Variants in GXYLT2 observed in about 807,000 individuals in gnomAD.
The protein encoded by GXYLT2 is glucoside xylosyltransferase 2, also known as glycosyltransferase 8 domain containing 4.
GXYLT2 carries 53 observed loss-of-function variants against 45.8 expected under a neutral mutation model. The observed-to-expected ratio is 1.16, with a 90% confidence interval of 0.93 to 1.46. The LOEUF (loss-of-function observed/expected upper bound fraction) is 1.46. Ranked by LOEUF, GXYLT2 falls within the 40% of genes most tolerant of loss-of-function variation. The probability of loss-of-function intolerance (pLI) is 0.00; values close to 1 mark genes in which losing one functional copy is unlikely to be tolerated. For synonymous variants in GXYLT2, 219 were observed against 214.2 expected (o/e 1.02, Z -0.19); for missense variants, 551 against 544.4 (o/e 1.01, Z -0.12).
intron 5 of GXYLT2, among the ~76,000 whole-genome samples, chr3:72,962,687 T>C (rs891013245): frequency 2.0e-5 from 3 of 152,186 alleles, no homozygotes; most frequent in Non-Finnish European, 4.4e-5. Flanking sequence ...ACTGGTTTCA[T>C]GAAGCCTACC....
intron 3 of GXYLT2, among the ~76,000 whole-genome samples, chr3:72,934,338 A>T (rs1710137686): frequency 6.7e-6 from 1 of 149,756 alleles, no homozygotes; most frequent in Non-Finnish European, 1.5e-5. Flanking sequence ...TGCCCGCCTC[A>T]GTCTCCCAAA....
At chr3:72,898,869 C>T (rs1709345545) in intron 1 of GXYLT2, among the ~76,000 whole-genome samples, 1 of 152,088 alleles carries the variant, frequency 6.6e-6, no homozygotes, top group Non-Finnish European at 1.5e-5. Context: ...GGAGCTAGGA[C>T]TACAGGCATG....
intron 1 of GXYLT2, among the ~76,000 whole-genome samples, chr3:72,902,575 G>A (rs978562823): frequency 4.6e-5 from 7 of 152,128 alleles, no homozygotes; most frequent in East Asian, 3.9e-4. Context: ...AGTGGCTCAC[G>A]CCTGTAATCC....
At chr3:72,971,927 C>T (rs1710992406) in intron 6 of GXYLT2, among the ~76,000 whole-genome samples, 4 of 146,482 alleles carry the variant, frequency 2.7e-5, no homozygotes, top group African/African-American at 7.6e-5. Context: ...CCAGCCTGGG[C>T]GACAGAGTGA....
At chr3:72,964,328 T>C (rs187320266) in intron 5 of GXYLT2, among the ~76,000 whole-genome samples, 45 of 152,066 alleles carry the variant, frequency 3.0e-4, no homozygotes, top group African/African-American at 1.1e-3. Flanking sequence ...TTTTTTTTTC[T>C]TTTCTTTTTT....
chr3:72,943,696 AT>A (rs1209881219), intron 3 of GXYLT2, among the ~76,000 whole-genome samples: 1 of 150,626 alleles, frequency 6.6e-6, no homozygotes, highest in Non-Finnish European at 1.5e-5. Context: ...GTTCTTTATT[AT>A]GATAAATAGA....
chr3:72,955,371 C>A, intron 4 of GXYLT2, 22 bp downstream of exon 4: 2 of 1,608,890 alleles, frequency 1.2e-6, no homozygotes, highest in Non-Finnish European at 1.7e-6. Flanking sequence ...CTTTAAAATT[C>A]CTTGTTTAAA....
At chr3:72,928,922 C>G in intron 3 of GXYLT2, 1 of 708,348 alleles carries the variant, frequency 1.4e-6, no homozygotes, top group Non-Finnish European at 2.5e-6. Context: ...CGTCCCCCAT[C>G]CCGGCCGGCC....
At chr3:72,923,800 G>T (rs1709872820) in intron 3 of GXYLT2, among the ~76,000 whole-genome samples, 1 of 152,138 alleles carries the variant, frequency 6.6e-6, no homozygotes, top group African/African-American at 2.4e-5. Flanking sequence ...TGAGGCAGTG[G>T]CATATTTTTT....
rs143728726 is a variant in GXYLT2, at chr3:72,953,318, G to A, written c.601-1780G>A. The stretch of plus-strand genomic sequence containing the variant: ...TCATTATTATTATTATTTTGAGACA[G>A]AGTCTCTGTCGCACAGGCTGGAGTG... On this transcript the variant is annotated intron_variant, in intron 3 of 6. Coordinates refer to ENST00000389617, the MANE Select transcript of GXYLT2 (RefSeq NM_001080393.2). 1.3e-4 allele frequency among the ~76,000 whole-genome samples: 20 copies of A among 152,190 alleles called. No homozygotes were observed. The East Asian group carries it at 3.3e-3, about 25-fold the overall frequency.
intron 3 of GXYLT2, chr3:72,929,083 C>A: frequency 6.3e-7 from 1 of 1,590,144 alleles, no homozygotes; most frequent in Non-Finnish European, 8.5e-7. Flanking sequence ...AGAGCTACCA[C>A]CAGGACTCAG....
At position 72,955,040 on chromosome 3, in the gene GXYLT2, GT is replaced by G. The variant is rs1245476357; in HGVS notation, c.601-53del. 2.5e-6 allele frequency: 4 copies of G among 1,576,928 alleles called. No homozygotes were observed. The Admixed American group carries it at 7.1e-5, about 28-fold the overall frequency. ...AGGCTACTTCCTTTGTTTCTGACCT[GT>G]TTTTGTTTTGTTTTCTTCCCTCCTC... On this transcript the variant is annotated intron_variant, in intron 3 of 6. Transcript: ENST00000389617.
chr3:72,913,253 T>A (rs1167244904), intron 2 of GXYLT2, among the ~76,000 whole-genome samples: 1 of 151,090 alleles, frequency 6.6e-6, no homozygotes, highest in Non-Finnish European at 1.5e-5. Context: ...TTAGCCAGGA[T>A]GGTCTCGATC....
chr3:72,914,555 G>A (rs997676549), intron 2 of GXYLT2, among the ~76,000 whole-genome samples: 5 of 151,812 alleles, frequency 3.3e-5, no homozygotes, highest in South Asian at 2.1e-4. Flanking sequence ...GTGCGCGCGC[G>A]CGCTTGCGTG....
At chr3:72,953,241 C>T (rs903084409) in intron 3 of GXYLT2, among the ~76,000 whole-genome samples, 1 of 152,028 alleles carries the variant, frequency 6.6e-6, no homozygotes, top group African/African-American at 2.4e-5. Context: ...CTTCCGTGTC[C>T]TGAAATAAAC....
chr3:72,920,819 T>TATATATATATATGTA (rs1491486551), intron 2 of GXYLT2, among the ~76,000 whole-genome samples: 7 of 96,546 alleles, frequency 7.3e-5, no homozygotes, highest in African/African-American at 4.7e-4. Flanking sequence ...TATATATGTA[T>TATATATATATATGTA]TTTTTTTTTT....
rs1709099867 is a variant in GXYLT2, at chr3:72,888,134, A to G, written c.-100A>G. ...ACCCCAGTCCCCGGCGGGCGGGCGG[A>G]GGAGGCGACCGCCGCGCGCTGCTGC... is the stretch of plus-strand genomic sequence containing the variant. On this transcript the variant is annotated 5_prime_UTR_variant, in exon 1 of 7. Coordinates refer to ENST00000389617, the MANE Select transcript of GXYLT2 (RefSeq NM_001080393.2). The G allele has an allele frequency of 4.2e-6, 3 of 719,336 alleles. No individual in the cohort carries two copies. Among genetic ancestry groups the G allele is most frequent in the African/African-American group, 2.0e-5 (1 of 50,542 alleles). The allele number at this position is 719,336 out of a possible 1,614,324, so 44.6% of individuals were successfully genotyped here. A position where few individuals can be genotyped will look rare whatever the true frequency, so the allele number is the denominator to read the frequency against.
intron 3 of GXYLT2, chr3:72,929,063 C>T (rs1440489057): frequency 7.6e-6 from 12 of 1,584,756 alleles, no homozygotes; most frequent in Middle Eastern, 2.2e-4. Flanking sequence ...GTCCACCTCG[C>T]AGGTGCGCCA....
At chr3:72,967,882 C>T (rs1559753323) in intron 6 of GXYLT2, among the ~76,000 whole-genome samples, 163 bp downstream of exon 6, 2 of 152,204 alleles carry the variant, frequency 1.3e-5, no homozygotes, top group Non-Finnish European at 2.9e-5. Flanking sequence ...CTCTTGCCAC[C>T]TTGTACTATG....
Sources: allele counts gnomAD v4.1 joint callset (sites outside exome capture counted in the v4.1 genomes callset), GRCh38; gene constraint gnomAD v4.1.1; transcripts MANE v1.5; gene names NCBI Gene and HGNC (gene_info 2026-07-23, HGNC 2026-07-21).